Variants in KLHL2 observed in about 807,000 individuals in gnomAD.
The protein encoded by KLHL2 is kelch-like protein 2.
In KLHL2, 15 loss-of-function variants were observed where a neutral mutation model predicts 75.8. The ratio of observed to expected loss-of-function variants is 0.20; its 90% CI spans 0.13 to 0.30. The LOEUF (loss-of-function observed/expected upper bound fraction) is 0.30. Among genes scored for constraint, KLHL2 ranks in the 10% least tolerant of loss-of-function variants. The probability of loss-of-function intolerance (pLI) is 1.00; values close to 1 mark genes in which losing one functional copy is unlikely to be tolerated. For missense variants in KLHL2, 381 were observed against 741.0 expected (o/e 0.51, Z 5.64); for synonymous variants, 214 against 251.9 (o/e 0.85, Z 1.42).
intron 1 of KLHL2, chr4:165,208,653 T>G (rs373636381): frequency 4.6e-5 from 7 of 152,338 alleles, no homozygotes; most frequent in Middle Eastern, 6.8e-3. Flanking sequence ...CAAGGGTTTT[T>G]TTTTTAAATT....
At chr4:165,236,725 G>T (rs938805838) in intron 3 of KLHL2, among the ~76,000 whole-genome samples, 38 of 152,166 alleles carry the variant, frequency 2.5e-4, no homozygotes, top group African/African-American at 8.4e-4. Context: ...ACAGTCATGG[G>T]CACATTTTTT....
rs1204577017 is a variant in KLHL2, at chr4:165,305,655, G to A, written c.969G>A (p.Val323=). 6.2e-7 allele frequency: 1 copy of A among 1,614,166 alleles called. No individual in the cohort carries two copies. Among genetic ancestry groups the A allele is most frequent in the Middle Eastern group, 1.7e-4 (1 of 6,060 alleles). ...GGQAPKAIRS[V]ECYDFKEERW... is the part of the protein sequence containing the mutation. ...AAGCACCAAAGGCTATCCGGAGTGT[G>A]GAATGCTATGACTTTAAAGAAGAAA... is the stretch of plus-strand genomic sequence containing the variant. Residue 323 remains valine, a synonymous_variant, in exon 9 of 15, where the codon GTG becomes GTA. Transcript: ENST00000226725.
In KLHL2 at chr4:165,317,849, T is replaced by G; in HGVS notation, c.1633T>G (p.Leu545Val). The change falls in exon 14 of 15, where the codon TTA becomes GTA. Residue 545 changes from leucine to valine, a missense_variant. Around this residue, in one of 5 missense-constraint regions of KLHL2, gnomAD observed 168 missense variants for 370.4 expected, o/e 0.45. Transcript: ENST00000226725. ...NAGVCAVNGL[L>V]YVVGGDDGSC... ...AGGAGTTTGTGCAGTTAATGGTCTG[T>G]TATATGTTGTTGGAGGGGATGATGG... The G allele has an allele frequency of 6.2e-7, 1 of 1,613,594 alleles. No homozygotes were observed. The highest frequency in any genetic ancestry group is 8.5e-7 in the Non-Finnish European group (1 of 1,179,660).
Position 165,311,572 on chromosome 4 carries a change from G to A in KLHL2, c.1339+7G>A. The A allele has an allele frequency of 6.3e-7, 1 of 1,599,414 alleles. No homozygotes were observed. Among genetic ancestry groups the A allele is most frequent in the East Asian group, 2.2e-5 (1 of 44,772 alleles). On this transcript the variant is annotated splice_region_variant and intron_variant, in intron 11 of 14. Transcript: ENST00000226725. ...GGTGTGGGTGTTGTTGGAGGTAGGT[G>A]TTGACAGTTCTTTCAGGTACATGTG...
At chr4:165,233,611 A>G (rs1739088100) in intron 3 of KLHL2, among the ~76,000 whole-genome samples, 1 of 152,190 alleles carries the variant, frequency 6.6e-6, no homozygotes, top group African/African-American at 2.4e-5. Flanking sequence ...GCTTTCATTC[A>G]TCAAGGAATA....
intron 1 of KLHL2, among the ~76,000 whole-genome samples, chr4:165,218,126 T>C (rs1578972622): frequency 6.6e-6 from 1 of 152,336 alleles, no homozygotes; most frequent in East Asian, 1.9e-4. Context: ...TAGTGAATTA[T>C]TGTAATATCC....
At chr4:165,281,309 C>CTTTT (rs370907639) in intron 5 of KLHL2, among the ~76,000 whole-genome samples, 50 of 139,618 alleles carry the variant, frequency 3.6e-4, no homozygotes, top group African/African-American at 1.3e-3. Context: ...CTCTCTCTCT[C>CTTTT]TTTTTTTTTT....
At chr4:165,278,054 G>T (rs1446276417) in intron 5 of KLHL2, 2 of 1,534,852 alleles carry the variant, frequency 1.3e-6, no homozygotes, top group South Asian at 1.1e-5. Context: ...AAAGCCCAAG[G>T]GCAGACTACA....
intron 1 of KLHL2, among the ~76,000 whole-genome samples, chr4:165,209,088 T>TAG (rs1277318884): frequency 3.9e-5 from 6 of 152,076 alleles, no homozygotes; most frequent in Non-Finnish European, 8.8e-5. Context: ...ATCTAGGGGG[T>TAG]AGATAAGACT....
chr4:165,248,216 A>T (rs564470477), intron 4 of KLHL2, among the ~76,000 whole-genome samples: 1 of 152,262 alleles, frequency 6.6e-6, no homozygotes, highest in Admixed American at 6.5e-5. Flanking sequence ...GAACTCAGGA[A>T]ACCGAGATGT....
At chr4:165,238,682 CA>C (rs1739559800) in intron 3 of KLHL2, 95 bp from the exon 4 acceptor site, 2 of 1,581,686 alleles carry the variant, frequency 1.3e-6, no homozygotes, top group Non-Finnish European at 1.7e-6. Flanking sequence ...CTGTTGAATA[CA>C]GTGAGTGGCA....
Position 165,278,807 on chromosome 4 carries a change from C to T in KLHL2, c.544+15448C>T, listed in dbSNP as rs746415679. On this transcript the variant is annotated intron_variant, in intron 5 of 14. Coordinates refer to ENST00000226725, the MANE Select transcript of KLHL2 (RefSeq NM_007246.4). ...ATTACATAGTAAGAAACATCCTGTT[C>T]CATACGTATTTTTGGCTTGTCCAAT... The T allele has an allele frequency of 7.1e-6, 11 of 1,543,042 alleles. No homozygotes were observed. The South Asian group carries it at 1.1e-4, about 16-fold the overall frequency.
At chr4:165,257,354 CA>C (rs900485932) in intron 4 of KLHL2, among the ~76,000 whole-genome samples, 2 of 152,148 alleles carry the variant, frequency 1.3e-5, no homozygotes, top group Admixed American at 1.3e-4. Flanking sequence ...AGGAGAATAC[CA>C]GGGGGAAGTA....
Position 165,234,005 on chromosome 4 carries a change from A to G in KLHL2, c.260-4773A>G, listed in dbSNP as rs1739126173. Among the ~76,000 whole-genome samples, 2 of 152,310 alleles carry G rather than the reference A, an allele frequency of 1.3e-5. 1 individual carries two copies. Among genetic ancestry groups the G allele is most frequent in the South Asian group, 4.1e-4 (2 of 4,826 alleles). ...ATATCCTAAGGTTTGTTCCTCTCCT[A>G]AATGAAAGATGCCTGCAAGAGTGGA... On this transcript the variant is annotated intron_variant, in intron 3 of 14. Coordinates refer to ENST00000226725, the MANE Select transcript of KLHL2 (RefSeq NM_007246.4).
chr4:165,209,362 A>G lies in KLHL2; in HGVS notation c.26+1460A>G, dbSNP rs550475584. 8.5e-5 allele frequency: 13 copies of G among 152,332 alleles called. No individual in the cohort carries two copies. In the East Asian group the frequency reaches 1.9e-3, roughly 23 times the overall value. 9.4% of individuals were successfully genotyped at this position (152,332 alleles called of 1,614,324 possible). A position where few individuals can be genotyped will look rare whatever the true frequency, so the allele number is the denominator to read the frequency against. On this transcript the variant is annotated intron_variant, in intron 1 of 14. Transcript: ENST00000226725. ...ATAATATGTAACATGTAGGTATGCT[A>G]TCTGTAGTAAACCTGCCTTCTACAT...
intron 5 of KLHL2, among the ~76,000 whole-genome samples, chr4:165,290,144 T>C (rs923114459): frequency 1.3e-5 from 2 of 152,094 alleles, no homozygotes; most frequent in East Asian, 3.9e-4. Flanking sequence ...TTTAGAGCTC[T>C]TTTTTTATTT....
chr4:165,281,909 T>C (rs1320813093), intron 5 of KLHL2, among the ~76,000 whole-genome samples: 2 of 152,224 alleles, frequency 1.3e-5, no homozygotes, highest in Non-Finnish European at 2.9e-5. Flanking sequence ...GGTATTTGTT[T>C]AGAGATAAGC....
At chr4:165,253,156 T>C (rs966919842) in intron 4 of KLHL2, among the ~76,000 whole-genome samples, 1 of 152,172 alleles carries the variant, frequency 6.6e-6, no homozygotes, top group Non-Finnish European at 1.5e-5. Context: ...TGCCCCAGCC[T>C]CCTGAGTAGT....
chr4:165,225,749 T>G (rs1738386274), intron 2 of KLHL2, among the ~76,000 whole-genome samples: 1 of 152,210 alleles, frequency 6.6e-6, no homozygotes, highest in South Asian at 2.1e-4. Flanking sequence ...AGTAAGAGTT[T>G]GTTAGCTCTC....
Sources: allele counts gnomAD v4.1 joint callset (sites outside exome capture counted in the v4.1 genomes callset), GRCh38; gene constraint gnomAD v4.1.1; regional missense constraint gnomAD v4.1.1; transcripts MANE v1.5; gene names NCBI Gene and HGNC (gene_info 2026-07-23, HGNC 2026-07-21).